Variants in SHROOM3 observed in about 807,000 individuals in gnomAD.
The protein encoded by SHROOM3 is protein Shroom3.
In SHROOM3, 47 loss-of-function variants were observed where a neutral mutation model predicts 138.6. The ratio of observed to expected loss-of-function variants is 0.34; its 90% CI spans 0.27 to 0.43. The LOEUF is 0.43. SHROOM3 is among the 20% of genes least tolerant of loss of function. The pLI is 1.00. For synonymous variants in SHROOM3, 1,062 were observed against 1,063.3 expected (o/e 1.00, Z 0.02); for missense variants, 2,491 against 2,596.5 (o/e 0.96, Z 0.88).
intron 4 of SHROOM3, 91 bp from the exon 5 acceptor site, chr4:76,738,670 A>G (rs1286916766): frequency 1.3e-6 from 2 of 1,488,550 alleles, no homozygotes; most frequent in Non-Finnish European, 1.9e-6. Flanking sequence ...AACCTCTTGC[A>G]CAAGAGAACA....
chr4:76,563,518 G>T (rs912332573), intron 2 of SHROOM3, among the ~76,000 whole-genome samples: 1 of 152,172 alleles, frequency 6.6e-6, no homozygotes, highest in African/African-American at 2.4e-5. Flanking sequence ...GGCTCTCTAC[G>T]CAAGTGTATT....
At chr4:76,595,944 G>T (rs1458119643) in intron 2 of SHROOM3, among the ~76,000 whole-genome samples, 2 of 152,188 alleles carry the variant, frequency 1.3e-5, no homozygotes, top group Non-Finnish European at 2.9e-5. Context: ...TTGTTAATCT[G>T]GGATAAGGTA....
intron 1 of SHROOM3, among the ~76,000 whole-genome samples, chr4:76,528,340 CTTCT>C (rs1315513228): frequency 0.046 from 2,289 of 49,998 alleles, 43 homozygotes; most frequent in African/African-American, 0.17. Flanking sequence ...TCTTCTTCTT[CTTCT>C]TTTTTTTTTT....
chr4:76,470,008 G>A (rs1223566228), intron 1 of SHROOM3, among the ~76,000 whole-genome samples: 1 of 152,168 alleles, frequency 6.6e-6, no homozygotes, highest in Non-Finnish European at 1.5e-5. Flanking sequence ...TACACAGACA[G>A]ATTTAAACAA....
At chr4:76,535,505 G>C (rs1445475423) in intron 1 of SHROOM3, among the ~76,000 whole-genome samples, 1 of 152,184 alleles carries the variant, frequency 6.6e-6, no homozygotes, top group African/African-American at 2.4e-5. Context: ...AAGTTATGGT[G>C]ATCTTGATGA....
intron 2 of SHROOM3, among the ~76,000 whole-genome samples, chr4:76,590,086 A>T (rs1211745947): frequency 2.6e-5 from 4 of 152,188 alleles, no homozygotes; most frequent in Non-Finnish European, 5.9e-5. Context: ...AAAATGCTTC[A>T]GGCCAAAAAT....
chr4:76,755,220 C>T, intron 7 of SHROOM3, 28 bp downstream of exon 7: 1 of 1,608,584 alleles, frequency 6.2e-7, no homozygotes, highest in Non-Finnish European at 8.5e-7. Flanking sequence ...GCAGCTTTCC[C>T]CCACTAACAG....
At chr4:76,474,696 A>G (rs1356627521) in intron 1 of SHROOM3, among the ~76,000 whole-genome samples, 1 of 152,064 alleles carries the variant, frequency 6.6e-6, no homozygotes, top group Non-Finnish European at 1.5e-5. Context: ...AGGTGGATCA[A>G]CTGAGGTTGG....
intron 10 of SHROOM3, among the ~76,000 whole-genome samples, chr4:76,773,031 G>T (rs1219777874): frequency 1.3e-5 from 2 of 152,186 alleles, no homozygotes; most frequent in Non-Finnish European, 2.9e-5. Flanking sequence ...TGATTTGCAT[G>T]TGGTTTGGTA....
chr4:76,508,955 G>T (rs1317254229), intron 1 of SHROOM3, among the ~76,000 whole-genome samples: 1 of 152,126 alleles, frequency 6.6e-6, no homozygotes, highest in Admixed American at 6.6e-5. Flanking sequence ...AAGGCGGAAG[G>T]ACAAAGGAAT....
intron 2 of SHROOM3, among the ~76,000 whole-genome samples, chr4:76,626,010 C>T (rs750687448): frequency 6.6e-6 from 1 of 152,140 alleles, no homozygotes; most frequent in Non-Finnish European, 1.5e-5. Context: ...CTTAACTTTT[C>T]GTTTATTGTT....
At chr4:76,745,763 T>A (rs1721414368) in intron 5 of SHROOM3, among the ~76,000 whole-genome samples, 1 of 152,186 alleles carries the variant, frequency 6.6e-6, no homozygotes, top group Non-Finnish European at 1.5e-5. Flanking sequence ...GCTAGATTGC[T>A]TGAGGCCAGG....
intron 2 of SHROOM3, among the ~76,000 whole-genome samples, chr4:76,622,878 G>A (rs1735039585): frequency 6.6e-6 from 1 of 152,148 alleles, no homozygotes; most frequent in Admixed American, 6.5e-5. Context: ...AGCTACTGAA[G>A]AGGGCCAGGT....
intron 2 of SHROOM3, among the ~76,000 whole-genome samples, chr4:76,672,248 G>A (rs528279897): frequency 6.6e-6 from 1 of 152,112 alleles, no homozygotes; most frequent in African/African-American, 2.4e-5. Flanking sequence ...AAGTGCTAAG[G>A]TTATTTGGTT....
chr4:76,473,235 T>A lies in SHROOM3; in HGVS notation c.168+37015T>A, dbSNP rs28814993. ...ATTGAGAAAGTAAAAATATAACCTA[T>A]AGAATGCAAGAAAATATTTGTAAAT... On this transcript the variant is annotated intron_variant, in intron 1 of 10. Transcript: ENST00000296043. Among the ~76,000 whole-genome samples, 786 of 152,336 alleles carry A rather than the reference T, an allele frequency of 5.2e-3. 8 individuals are homozygous for A. Among genetic ancestry groups the A allele is most frequent in the African/African-American group, 0.018 (751 of 41,586 alleles).
chr4:76,553,007 T>C (rs755664396), intron 1 of SHROOM3, among the ~76,000 whole-genome samples: 1 of 152,242 alleles, frequency 6.6e-6, no homozygotes, highest in Non-Finnish European at 1.5e-5. Flanking sequence ...CTTCCCCTCC[T>C]CTGCCCATTA....
chr4:76,739,584 C>A lies in SHROOM3; in HGVS notation c.1411C>A (p.Pro471Thr). The A allele has an allele frequency of 6.2e-7, 1 of 1,614,200 alleles. No individual in the cohort carries two copies. Among genetic ancestry groups the A allele is most frequent in the Non-Finnish European group, 8.5e-7 (1 of 1,180,026 alleles). Residue 471 changes from proline to threonine, a missense_variant, in exon 5 of 11, where the codon CCT becomes ACT. Physicochemically the swap from Pro to Thr is conservative, Grantham distance 38. This residue lies in a region of SHROOM3 where 1,733 missense variants were observed against 1,661.6 expected (regional missense o/e 1.04). Transcript: ENST00000296043. ...PLLPTSIYPV[P>T]SLEPHFAQVP... Reference sequence around the variant, plus strand: ...GCTGCCGACCAGCATCTACCCGGTACCTTCCCTGGAGCCACACTTTGCCCA... The same window carrying A: ...GCTGCCGACCAGCATCTACCCGGTAACTTCCCTGGAGCCACACTTTGCCCA...
intron 1 of SHROOM3, among the ~76,000 whole-genome samples, chr4:76,505,856 G>T (rs1179755769): frequency 6.6e-6 from 1 of 151,880 alleles, no homozygotes; most frequent in African/African-American, 2.4e-5. Flanking sequence ...TAGAGATAGG[G>T]TCTCACTATG....
At chr4:76,551,947 TG>T (rs1362542097) in intron 1 of SHROOM3, among the ~76,000 whole-genome samples, 1 of 150,726 alleles carries the variant, frequency 6.6e-6, no homozygotes, top group Non-Finnish European at 1.5e-5. Context: ...CTGCAAGCTC[TG>T]CCTCCTGGGT....
Sources: gnomAD v4.1 joint callset for allele counts (sites outside exome capture counted in the v4.1 genomes callset) on GRCh38, gnomAD v4.1.1 for gene constraint, gnomAD v4.1.1 regional missense constraint, MANE v1.5 for transcripts, NCBI Gene and HGNC (gene_info 2026-07-23, HGNC 2026-07-21) for gene names.